Variants in IL1RAPL1 observed in about 807,000 individuals in gnomAD.
The protein encoded by IL1RAPL1 is interleukin 1 receptor accessory protein like 1.
IL1RAPL1 carries 3 observed loss-of-function variants against 48.4 expected under a neutral mutation model. The observed-to-expected ratio is 0.06, with a 90% CI of 0.03 to 0.16. The LOEUF (loss-of-function observed/expected upper bound fraction) is 0.16, where lower values mean the gene tolerates loss of function less well. Ranked by LOEUF, IL1RAPL1 falls within the 10% of genes least tolerant of loss-of-function variation. The pLI is 1.00. For missense variants in IL1RAPL1, 349 were observed against 530.6 expected, an observed-to-expected ratio of 0.66 and a Z score of 3.36; for synonymous variants, 185 against 187.7, an observed-to-expected ratio of 0.99 and a Z score of 0.12.
chrX:29,514,045 G>A (rs1199852047), intron 5 of IL1RAPL1, among the ~76,000 whole-genome samples: 1 of 111,334 alleles, frequency 9.0e-6, no homozygotes, highest in African/African-American at 3.3e-5. Context: ...TTGGGGCATA[G>A]GTGATGTGCA....
chrX:28,966,911 T>C (rs1924934763), intron 2 of IL1RAPL1, among the ~76,000 whole-genome samples: 1 of 111,951 alleles, frequency 8.9e-6, no homozygotes, highest in African/African-American at 3.2e-5. Flanking sequence ...CTAGAGCTTG[T>C]TGGAAGCTTT....
chrX:29,584,829 C>A (rs1361530613), intron 5 of IL1RAPL1, among the ~76,000 whole-genome samples: 1 of 112,248 alleles, frequency 8.9e-6, no homozygotes, highest in Admixed American at 9.4e-5. Flanking sequence ...GTTGGGATTA[C>A]AGGCATGAGC....
intron 5 of IL1RAPL1, among the ~76,000 whole-genome samples, chrX:29,400,580 A>G (rs1933981077): frequency 8.9e-6 from 1 of 112,032 alleles, no homozygotes; most frequent in Admixed American, 9.5e-5. Flanking sequence ...TTATATAGAA[A>G]AGCATAAAAA....
chrX:29,158,770 T>A (rs1602086926), intron 2 of IL1RAPL1, among the ~76,000 whole-genome samples: 1 of 111,514 alleles, frequency 9.0e-6, no homozygotes, highest in East Asian at 2.8e-4. Context: ...CTCATCACAC[T>A]TGACACACAT....
intron 2 of IL1RAPL1, among the ~76,000 whole-genome samples, chrX:28,997,530 G>A (rs749097772): frequency 9.0e-6 from 1 of 111,042 alleles, no homozygotes; most frequent in African/African-American, 3.3e-5. Flanking sequence ...CTCAAAAAGA[G>A]AAAATCATCT....
chrX:29,305,442 GA>G (rs914452912), intron 3 of IL1RAPL1, among the ~76,000 whole-genome samples: 7 of 112,302 alleles, frequency 6.2e-5, no homozygotes, highest in Non-Finnish European at 1.1e-4. Flanking sequence ...GACAGTGGCA[GA>G]GCTTGGAGTG....
chrX:29,470,705 C>G (rs1306650932), intron 5 of IL1RAPL1, among the ~76,000 whole-genome samples: 2 of 111,292 alleles, frequency 1.8e-5, no homozygotes, highest in Non-Finnish European at 3.8e-5. Context: ...ATGATCATAG[C>G]TCATTGCAGC....
At chrX:29,167,528 T>C (rs756927344) in intron 2 of IL1RAPL1, among the ~76,000 whole-genome samples, 34 of 110,668 alleles carry the variant, frequency 3.1e-4, no homozygotes, top group Non-Finnish European at 4.7e-4. Flanking sequence ...GATTCAAAAA[T>C]TGCTCTGCCA....
At chrX:28,821,085 G>T (rs917764854) in intron 2 of IL1RAPL1, among the ~76,000 whole-genome samples, 8 of 111,402 alleles carry the variant, frequency 7.2e-5, no homozygotes, top group East Asian at 2.8e-4. Context: ...AATATTAAAA[G>T]AAATATAACT....
intron 3 of IL1RAPL1, among the ~76,000 whole-genome samples, chrX:29,340,276 G>A (rs73631651): frequency 0.066 from 7,328 of 111,090 alleles, 601 homozygotes; most frequent in African/African-American, 0.23. Flanking sequence ...TCTAGTTCCA[G>A]AATATTTTCA....
intron 2 of IL1RAPL1, among the ~76,000 whole-genome samples, chrX:29,234,066 CCATAAATAAATG>C (rs1931248178): frequency 8.9e-6 from 1 of 111,932 alleles, no homozygotes; most frequent in African/African-American, 3.2e-5. Flanking sequence ...CACCCAAGCT[CCATAAATAAATG>C]CAGCGTGGCT....
At chrX:29,606,013 C>T (rs192249525) in intron 5 of IL1RAPL1, among the ~76,000 whole-genome samples, 1 of 112,004 alleles carries the variant, frequency 8.9e-6, no homozygotes, top group African/African-American at 3.2e-5. Context: ...AGAAACCTAG[C>T]TCTATAACCT....
chrX:28,893,555 C>A (rs1432716798), intron 2 of IL1RAPL1, among the ~76,000 whole-genome samples: 3 of 111,410 alleles, frequency 2.7e-5, no homozygotes, highest in Non-Finnish European at 5.6e-5. Flanking sequence ...ATTTTAGTTT[C>A]CTGACTCGGG....
chrX:28,918,410 G>A (rs1003483363), intron 2 of IL1RAPL1, among the ~76,000 whole-genome samples: 8 of 111,959 alleles, frequency 7.1e-5, no homozygotes, highest in South Asian at 3.7e-4. Context: ...TATCTGAAAC[G>A]GATGCCACCA....
At chrX:28,882,842 A>T (rs1033055381) in intron 2 of IL1RAPL1, among the ~76,000 whole-genome samples, 3 of 111,976 alleles carry the variant, frequency 2.7e-5, no homozygotes, top group Non-Finnish European at 5.6e-5. Flanking sequence ...ATATAGACGA[A>T]TATAGAATCC....
chrX:29,011,065 C>G (rs1212748663), intron 2 of IL1RAPL1, among the ~76,000 whole-genome samples: 2 of 111,742 alleles, frequency 1.8e-5, no homozygotes, highest in Non-Finnish European at 3.8e-5. Context: ...AACTTATGTT[C>G]CAGTTCTTAT....
At chrX:29,405,733 T>C (rs936141881) in intron 5 of IL1RAPL1, among the ~76,000 whole-genome samples, 1 of 110,080 alleles carries the variant, frequency 9.1e-6, no homozygotes, top group African/African-American at 3.3e-5. Flanking sequence ...TGCCTAGGTA[T>C]AGTGATTTTG....
intron 1 of IL1RAPL1, among the ~76,000 whole-genome samples, chrX:28,689,313 GT>G (rs1935149003): frequency 9.0e-6 from 1 of 110,617 alleles, no homozygotes; most frequent in African/African-American, 3.3e-5. Flanking sequence ...ATGATAGTGA[GT>G]TCTGATGAGA....
At chrX:28,596,777 T>C (rs1273434599) in intron 1 of IL1RAPL1, among the ~76,000 whole-genome samples, 2 of 112,199 alleles carry the variant, frequency 1.8e-5, no homozygotes, top group African/African-American at 6.5e-5. Context: ...TTAATTATTT[T>C]GTTGTTCTTT....
Sources: allele counts gnomAD v4.1 joint callset (sites outside exome capture counted in the v4.1 genomes callset), GRCh38; gene constraint gnomAD v4.1.1; transcripts MANE v1.5; gene names NCBI Gene and HGNC (gene_info 2026-07-23, HGNC 2026-07-21).